Variants in MGAT4C observed in about 807,000 individuals in gnomAD.
MGAT4C encodes the protein alpha-1,3-mannosyl-glycoprotein 4-beta-N-acetylglucosaminyltransferase C.
Under a neutral mutation model 40.1 loss-of-function variants are expected in MGAT4C, and 19 were observed. The observed-to-expected ratio is 0.47, with a 90% CI of 0.33 to 0.70. The LOEUF is 0.70. Ranked by LOEUF, MGAT4C falls within the 30% of genes least tolerant of loss-of-function variation. The pLI, the probability that MGAT4C is intolerant of heterozygous loss-of-function variation, is 0.02. For synonymous variants in MGAT4C, 181 were observed against 187.1 expected (o/e 0.97, Z 0.27); for missense variants, 491 against 563.2 (o/e 0.87, Z 1.30).
chr12:86,626,711 G>A (rs561396407), intron 2 of MGAT4C, among the ~76,000 whole-genome samples: 4 of 152,178 alleles, frequency 2.6e-5, no homozygotes, highest in Non-Finnish European at 1.5e-5. Context: ...TAAATAAATG[G>A]TAATAGAATT....
rs1331231512 is a variant in MGAT4C at position 85,960,508 on chromosome 12, C to CA, written c.*18780dup. 1.3e-5 allele frequency: 2 copies of CA among 152,020 alleles called. No individual in the cohort carries two copies. The highest frequency in any genetic ancestry group is 2.9e-5 in the Non-Finnish European group (2 of 67,920). The allele number at this position is 152,020 out of a possible 1,614,324, so 9.4% of individuals were successfully genotyped here. A position where few individuals can be genotyped will look rare whatever the true frequency, so the allele number is the denominator to read the frequency against. On this transcript the variant is annotated 3_prime_UTR_variant, in exon 5 of 5. Coordinates refer to ENST00000611864, the MANE Select transcript of MGAT4C (RefSeq NM_001351288.2). ...CAACAATTAGCATGTGACATGCTCT[C>CA]AGCAAATCAATTAATCCTTCATTCT...
At chr12:86,360,765 A>G (rs1298693575) in intron 3 of MGAT4C, among the ~76,000 whole-genome samples, 1 of 152,232 alleles carries the variant, frequency 6.6e-6, no homozygotes, top group African/African-American at 2.4e-5. Context: ...AATACCTAGG[A>G]ATCCAACTTA....
chr12:86,138,321 T>C (rs1882271916), intron 1 of MGAT4C, among the ~76,000 whole-genome samples: 1 of 151,460 alleles, frequency 6.6e-6, no homozygotes, highest in Non-Finnish European at 1.5e-5. Context: ...TTTTTTTTTT[T>C]CACTACCCTA....
At chr12:86,403,258 A>T (rs908637917) in intron 3 of MGAT4C, among the ~76,000 whole-genome samples, 1 of 152,186 alleles carries the variant, frequency 6.6e-6, no homozygotes, top group Admixed American at 6.5e-5. Context: ...CCCTAGGGAA[A>T]GTTTTCTTAC....
intron 1 of MGAT4C, among the ~76,000 whole-genome samples, chr12:86,773,171 A>C (rs1951668418): frequency 6.6e-6 from 1 of 152,150 alleles, no homozygotes; most frequent in Non-Finnish European, 1.5e-5. Context: ...AAAATGAGTT[A>C]CTTGGGGTAG....
At chr12:86,603,548 G>T (rs559594174) in intron 2 of MGAT4C, among the ~76,000 whole-genome samples, 60 of 3,632 alleles carry the variant, frequency 0.017, 7 homozygotes, top group East Asian at 0.2. Context: ...ATAGACTATA[G>T]ATAATATATA....
At chr12:86,279,683 G>T (rs1953166118) in intron 4 of MGAT4C, among the ~76,000 whole-genome samples, 2 of 146,588 alleles carry the variant, frequency 1.4e-5, no homozygotes, top group Admixed American at 6.8e-5. Flanking sequence ...ACTAATTTTG[G>T]GTTCCATTTG....
At chr12:86,312,107 C>T (rs1954094012) in intron 4 of MGAT4C, among the ~76,000 whole-genome samples, 1 of 152,148 alleles carries the variant, frequency 6.6e-6, no homozygotes, top group Admixed American at 6.5e-5. Flanking sequence ...ATGTGTCCTG[C>T]ATTTTCATTT....
At chr12:86,546,559 A>G (rs1318832744) in intron 2 of MGAT4C, among the ~76,000 whole-genome samples, 1 of 152,070 alleles carries the variant, frequency 6.6e-6, no homozygotes, top group Non-Finnish European at 1.5e-5. Context: ...CATCAAGTAA[A>G]ACTAAACTTT....
intron 2 of MGAT4C, among the ~76,000 whole-genome samples, chr12:86,034,132 C>T (rs1019555232): frequency 2.0e-5 from 3 of 149,470 alleles, no homozygotes; most frequent in African/African-American, 7.3e-5. Context: ...TAGCTTTAGA[C>T]GTGCTGTTGG....
At position 86,317,151 on chromosome 12, in the gene MGAT4C, T is replaced by G. The variant is rs535981992; in HGVS notation, c.-57+16914A>C. The stretch of plus-strand genomic sequence containing the variant: ...GGCTAATATTTTATACTTTCAACTT[T>G]TATAGTCAATCTATTCACAAAAGAT... On this transcript the variant is annotated intron_variant, in intron 4 of 7. Coordinates refer to the MGAT4C transcript ENST00000548651. Among the ~76,000 whole-genome samples the G allele has an allele frequency of 6.6e-5, 10 of 152,188 alleles. No individual in the cohort carries two copies. The East Asian group carries it at 1.9e-3, about 29-fold the overall frequency.
chr12:86,579,587 C>G (rs1379481831), intron 2 of MGAT4C, among the ~76,000 whole-genome samples: 4 of 151,580 alleles, frequency 2.6e-5, no homozygotes, highest in African/African-American at 9.7e-5. Flanking sequence ...GTTGTTTACA[C>G]ACCATAGTTA....
chr12:86,000,257 G>T (rs144180152), intron 2 of MGAT4C, among the ~76,000 whole-genome samples: 1 of 151,816 alleles, frequency 6.6e-6, no homozygotes, highest in Non-Finnish European at 1.5e-5. Context: ...AAAAGTAAAG[G>T]TAAAAATCAA....
intron 2 of MGAT4C, among the ~76,000 whole-genome samples, chr12:86,598,006 G>GT (rs1961607156): frequency 6.6e-6 from 1 of 152,066 alleles, no homozygotes; most frequent in African/African-American, 2.4e-5. Flanking sequence ...TCCATTCATG[G>GT]TAAGTGTCTT....
chr12:86,343,503 T>A (rs932613649), intron 3 of MGAT4C, among the ~76,000 whole-genome samples: 4 of 152,210 alleles, frequency 2.6e-5, no homozygotes, highest in Non-Finnish European at 5.9e-5. Flanking sequence ...AAAACATATA[T>A]TTTATTGTAT....
intron 3 of MGAT4C, among the ~76,000 whole-genome samples, chr12:86,402,822 G>A (rs1199840617): frequency 1.3e-5 from 2 of 152,004 alleles, no homozygotes; most frequent in Non-Finnish European, 2.9e-5. Flanking sequence ...ATTACTGATG[G>A]AATTTCTTTC....
chr12:86,446,686 T>TAC (rs1957345535), intron 2 of MGAT4C, among the ~76,000 whole-genome samples: 1 of 128,470 alleles, frequency 7.8e-6, no homozygotes, highest in Non-Finnish European at 1.7e-5. Flanking sequence ...TATATATATA[T>TAC]ATATATATAT....
intron 3 of MGAT4C, among the ~76,000 whole-genome samples, chr12:86,372,869 G>A (rs1378783832): frequency 6.6e-6 from 1 of 151,522 alleles, no homozygotes; most frequent in Admixed American, 6.6e-5. Flanking sequence ...ACACATTGTA[G>A]ATGCTCAACA....
chr12:86,634,803 T>C (rs1341006022), intron 2 of MGAT4C, among the ~76,000 whole-genome samples: 2 of 152,130 alleles, frequency 1.3e-5, no homozygotes, highest in Non-Finnish European at 2.9e-5. Flanking sequence ...TAAGCTAAAA[T>C]AGTCACGACA....
Sources: allele counts gnomAD v4.1 joint callset (sites outside exome capture counted in the v4.1 genomes callset), GRCh38; gene constraint gnomAD v4.1.1; transcripts MANE v1.5; gene names NCBI Gene and HGNC (gene_info 2026-07-23, HGNC 2026-07-21).